MAP4K3: variants seen among roughly 807,000 people sequenced by gnomAD.
The protein encoded by MAP4K3 is mitogen-activated protein kinase kinase kinase kinase 3, also known as MAPK/ERK kinase kinase kinase 3.
A neutral mutation model predicts 143.5 loss-of-function variants in MAP4K3; 94 were observed. The ratio of observed to expected loss-of-function variants is 0.65; its 90% CI spans 0.55 to 0.78. The LOEUF (loss-of-function observed/expected upper bound fraction) is 0.78. MAP4K3 is among the 30% of genes least tolerant of loss of function. The pLI, the probability that MAP4K3 is intolerant of heterozygous loss-of-function variation, is 0.00. For synonymous variants in MAP4K3, 416 were observed against 347.2 expected, an observed-to-expected ratio of 1.20 and a Z score of -2.20; for missense variants, 1,077 against 1,068.1, an observed-to-expected ratio of 1.01 and a Z score of -0.12.
intron 26 of MAP4K3, among the ~76,000 whole-genome samples, chr2:39,269,595 C>A (rs1680926709): frequency 6.6e-6 from 1 of 151,520 alleles, no homozygotes; most frequent in African/African-American, 2.4e-5. Flanking sequence ...CTGCCTCAGC[C>A]TCCCAGGTAG....
At chr2:39,414,286 A>G (rs1220323482) in intron 1 of MAP4K3, among the ~76,000 whole-genome samples, 1 of 152,152 alleles carries the variant, frequency 6.6e-6, no homozygotes, top group East Asian at 1.9e-4. Flanking sequence ...TTAACCTTAA[A>G]ATTGTATCTT....
intron 1 of MAP4K3, among the ~76,000 whole-genome samples, chr2:39,384,687 C>T (rs1450672514): frequency 6.6e-6 from 1 of 152,168 alleles, no homozygotes; most frequent in African/African-American, 2.4e-5. Flanking sequence ...AAAATGTGGC[C>T]AGTGCAAGTG....
At chr2:39,289,995 G>A (rs1436273260) in intron 19 of MAP4K3, among the ~76,000 whole-genome samples, 9 of 151,190 alleles carry the variant, frequency 6.0e-5, no homozygotes, top group South Asian at 2.1e-4. Context: ...GCTGAGGCAG[G>A]AGAATTGCTT....
chr2:39,264,825 T>C (rs1474425646), intron 28 of MAP4K3, among the ~76,000 whole-genome samples: 3 of 152,228 alleles, frequency 2.0e-5, no homozygotes, highest in Non-Finnish European at 4.4e-5. Flanking sequence ...TCCCTGTCAT[T>C]ATGGTTACCC....
intron 1 of MAP4K3, among the ~76,000 whole-genome samples, chr2:39,392,741 G>T (rs1558684242): frequency 6.6e-6 from 1 of 152,182 alleles, no homozygotes. Context: ...GAGGAAGTAG[G>T]TTGTTTATCT....
At chr2:39,351,579 A>G (rs1665459492) in intron 3 of MAP4K3, among the ~76,000 whole-genome samples, 1 of 152,204 alleles carries the variant, frequency 6.6e-6, no homozygotes, top group Non-Finnish European at 1.5e-5. Context: ...ATGTATAAAC[A>G]CTTTGTAAAT....
chr2:39,302,014 C>T (rs961195976), intron 15 of MAP4K3, among the ~76,000 whole-genome samples: 5 of 151,094 alleles, frequency 3.3e-5, no homozygotes, highest in African/African-American at 7.3e-5. Context: ...CAGAGAGAGA[C>T]TCTGTCTCAA....
intron 1 of MAP4K3, chr2:39,379,823 T>C (rs974024990): frequency 7.7e-5 from 13 of 168,672 alleles, no homozygotes; most frequent in African/African-American, 2.9e-4. Context: ...AAAGCTAGGA[T>C]GATTATAACT....
chr2:39,343,531 T>C (rs1665200903), intron 3 of MAP4K3, 79 bp from the exon 4 acceptor site: 3 of 1,168,634 alleles, frequency 2.6e-6, no homozygotes, highest in Non-Finnish European at 3.8e-6. Flanking sequence ...TTTAAGGTTG[T>C]AAGCTGTAAC....
rs1220659211 is a variant in MAP4K3 at position 39,375,653 on chromosome 2, A to C, written c.154+2413T>G. ...ATACGTTTAAATTGGATAGTTCAGC[A>C]ATTTCAAGTGTATAATTCAATGGTG... On this transcript the variant is annotated intron_variant, in intron 2 of 33. Coordinates refer to ENST00000263881, the MANE Select transcript of MAP4K3 (RefSeq NM_003618.4). 2.0e-5 allele frequency among the ~76,000 whole-genome samples: 3 copies of C among 152,214 alleles called. No individual in the cohort carries two copies. In the East Asian group the frequency reaches 5.8e-4, roughly 29 times the overall value.
In MAP4K3 at chr2:39,249,629, T is replaced by G. The variant is rs890261904; in HGVS notation, c.*989A>C. 6.6e-6 allele frequency: 1 copy of G among 152,588 alleles called. No individual in the cohort carries two copies. Among genetic ancestry groups the G allele is most frequent in the Admixed American group, 6.5e-5 (1 of 15,270 alleles). The allele number at this position is 152,588 out of a possible 1,614,324, so 9.5% of individuals were successfully genotyped here. A position where few individuals can be genotyped will look rare whatever the true frequency, so the allele number is the denominator to read the frequency against. The stretch of plus-strand genomic sequence containing the variant: ...AAGAAATATGAAAAGGATCATAAAA[T>G]AAGGCCAACAAAAGTAAAAATTCCA... On this transcript the variant is annotated 3_prime_UTR_variant, in exon 34 of 34. Coordinates refer to ENST00000263881, the MANE Select transcript of MAP4K3 (RefSeq NM_003618.4).
intron 1 of MAP4K3, among the ~76,000 whole-genome samples, chr2:39,404,376 G>C (rs1416024827): frequency 6.6e-6 from 1 of 152,068 alleles, no homozygotes; most frequent in Admixed American, 6.5e-5. Context: ...CCTAGGTCTG[G>C]CAGCACTCAC....
intron 2 of MAP4K3, among the ~76,000 whole-genome samples, chr2:39,367,080 T>C (rs1263029245): frequency 6.6e-6 from 1 of 152,236 alleles, no homozygotes; most frequent in Non-Finnish European, 1.5e-5. Flanking sequence ...ATACTTCACC[T>C]GATAAAAATA....
intron 33 of MAP4K3, 100 bp from the exon 34 acceptor site, chr2:39,250,805 A>G (rs1012779172): frequency 3.6e-6 from 3 of 844,564 alleles, no homozygotes; most frequent in African/African-American, 1.7e-5. Context: ...GCCTCTATAA[A>G]TGCTGCTCAT....
chr2:39,428,494 G>A (rs557151367), intron 1 of MAP4K3, among the ~76,000 whole-genome samples: 2 of 151,770 alleles, frequency 1.3e-5, no homozygotes, highest in Admixed American at 6.6e-5. Flanking sequence ...CCAACATGGC[G>A]AAACTCCATC....
intron 1 of MAP4K3, among the ~76,000 whole-genome samples, chr2:39,381,080 T>C (rs1158985052): frequency 1.3e-5 from 2 of 152,224 alleles, no homozygotes; most frequent in African/African-American, 4.8e-5. Context: ...ACATGGTCCT[T>C]TGTGACTCTG....
At chr2:39,267,085 G>A in intron 27 of MAP4K3, 104 bp downstream of exon 27, 1 of 1,110,346 alleles carries the variant, frequency 9.0e-7, no homozygotes, top group African/African-American at 1.5e-5. Context: ...ACTTAAGCAG[G>A]AAAAATAAAG....
rs1431665419 is a variant in MAP4K3 at position 39,260,679 on chromosome 2, A to AC, written c.2234dup (p.Arg746Ter). The AC allele has an allele frequency of 1.2e-6, 2 of 1,613,844 alleles. No homozygotes were observed. Among genetic ancestry groups the AC allele is most frequent in the Non-Finnish European group, 1.7e-6 (2 of 1,179,890 alleles). The stretch of plus-strand genomic sequence containing the variant: ...ATCGAACCACTTGGTTGAAGTCTCT[A>AC]CCTCTACTGACACCAACACAAACTA... On this transcript the variant is annotated frameshift_variant, in exon 29 of 34. Transcript: ENST00000263881. LOFTEE classifies it high-confidence loss of function.
At chr2:39,332,098 C>T (rs1395086233) in intron 7 of MAP4K3, 109 bp from the exon 8 acceptor site, 8 of 542,216 alleles carry the variant, frequency 1.5e-5, no homozygotes, top group Non-Finnish European at 2.6e-5. Flanking sequence ...AATTTTACAG[C>T]AATACGGGAT....
Sources: allele counts gnomAD v4.1 joint callset (sites outside exome capture counted in the v4.1 genomes callset), GRCh38; gene constraint gnomAD v4.1.1; transcripts MANE v1.5; gene names NCBI Gene and HGNC (gene_info 2026-07-23, HGNC 2026-07-21).